ARHGAP39: variants seen among roughly 807,000 people sequenced by gnomAD.
ARHGAP39 encodes the protein Rho GTPase activating protein 39, also known as rho GTPase-activating protein 39.
ARHGAP39 carries 44 observed loss-of-function variants against 106.9 expected under a neutral mutation model. That is an observed-to-expected ratio of 0.41 (90% CI 0.32 to 0.53). ARHGAP39 has a LOEUF of 0.53. Ranked by LOEUF, ARHGAP39 falls within the 20% of genes least tolerant of loss-of-function variation. ARHGAP39 has a pLI of 0.21. For missense variants in ARHGAP39, 1,496 were observed against 1,577.3 expected (o/e 0.95, Z 0.87); for synonymous variants, 768 against 693.2 (o/e 1.11, Z -1.69).
chr8:144,639,401 A>G (rs1453732378), intron 1 of ARHGAP39, among the ~76,000 whole-genome samples: 3 of 152,116 alleles, frequency 2.0e-5, no homozygotes, highest in African/African-American at 4.8e-5. Context: ...TTTCATTTCT[A>G]TCACAAAAAC....
chr8:144,609,143 T>C (rs1586611717), intron 1 of ARHGAP39, among the ~76,000 whole-genome samples: 1 of 152,250 alleles, frequency 6.6e-6, no homozygotes, highest in South Asian at 2.1e-4. Flanking sequence ...AGGGAAAGCA[T>C]CCAGTCTTTT....
intron 2 of ARHGAP39, among the ~76,000 whole-genome samples, chr8:144,599,937 G>A (rs1347197715): frequency 6.6e-6 from 1 of 152,214 alleles, no homozygotes; most frequent in Non-Finnish European, 1.5e-5. Context: ...AGCCAGGGAA[G>A]AAGAGATGTG....
At chr8:144,675,626 C>A (rs1586652231) in intron 1 of ARHGAP39, among the ~76,000 whole-genome samples, 1 of 147,910 alleles carries the variant, frequency 6.8e-6, no homozygotes, top group Admixed American at 6.8e-5. Context: ...CTCTTAAAGG[C>A]AGTGCATCTG....
chr8:144,602,013 G>A (rs532310633), intron 2 of ARHGAP39, among the ~76,000 whole-genome samples: 85 of 145,282 alleles, frequency 5.9e-4, no homozygotes, highest in African/African-American at 2.0e-3. Context: ...GTGTGTGCAT[G>A]GAGGCGTGTG....
chr8:144,679,704 G>A lies in ARHGAP39; in HGVS notation c.-82+5982C>T, dbSNP rs1285748852. 3.3e-5 allele frequency among the ~76,000 whole-genome samples: 5 copies of A among 152,214 alleles called. No individual in the cohort carries two copies. The highest frequency in any genetic ancestry group is 6.5e-5 in the Admixed American group (1 of 15,290). On this transcript the variant is annotated intron_variant, in intron 1 of 11. Coordinates refer to ENST00000377307, the MANE Select transcript of ARHGAP39 (RefSeq NM_025251.3). This position sits in a 1 kb window ranked among gnomAD's most constrained non-coding sequence, Gnocchi z 4.7. ...AGCTAGAAAATTAAAATCTAGGCCG[G>A]GCGCAGTGTCTCACGCCTGTAATCC... is the stretch of plus-strand genomic sequence containing the variant.
chr8:144,575,160 A>C (rs1029406307), intron 3 of ARHGAP39, among the ~76,000 whole-genome samples: 6 of 152,242 alleles, frequency 3.9e-5, no homozygotes, highest in African/African-American at 1.4e-4. Context: ...GGCACTTACC[A>C]GGAACAGAGC....
chr8:144,534,030 G>T (rs1816848616), intron 8 of ARHGAP39, 99 bp downstream of exon 8: 1 of 1,381,620 alleles, frequency 7.2e-7, no homozygotes, highest in Admixed American at 1.8e-5. Flanking sequence ...CCTCTGCGCT[G>T]CTGCCCCATA....
chr8:144,651,683 G>C (rs1239005318), intron 1 of ARHGAP39, among the ~76,000 whole-genome samples: 1 of 152,026 alleles, frequency 6.6e-6, no homozygotes, highest in African/African-American at 2.4e-5. Flanking sequence ...CTCCAGCCTG[G>C]ATGATAGAGA....
chr8:144,532,984 GC>G (rs1816789492), intron 9 of ARHGAP39, 141 bp downstream of exon 9: 8 of 1,035,814 alleles, frequency 7.7e-6, no homozygotes, highest in Non-Finnish European at 1.1e-5. Flanking sequence ...CCACACTGTG[GC>G]CCCACCCTTC....
chr8:144,558,949 C>T (rs1818043087), intron 3 of ARHGAP39, among the ~76,000 whole-genome samples: 2 of 152,026 alleles, frequency 1.3e-5, no homozygotes, highest in East Asian at 1.9e-4. Context: ...GTAGCTTACA[C>T]TGTAATCCCA....
chr8:144,549,319 C>CT (rs975409389), intron 4 of ARHGAP39, among the ~76,000 whole-genome samples: 4 of 152,268 alleles, frequency 2.6e-5, no homozygotes, highest in African/African-American at 9.6e-5. Flanking sequence ...CGAGGGGCCC[C>CT]TCCACCACCT....
chr8:144,549,898 G>C (rs1218610070), intron 4 of ARHGAP39, among the ~76,000 whole-genome samples: 1 of 152,156 alleles, frequency 6.6e-6, no homozygotes, highest in Non-Finnish European at 1.5e-5. Flanking sequence ...TTTCTATTCA[G>C]CTATGTTTAA....
Position 144,601,076 on chromosome 8 carries a change from C to T in ARHGAP39, c.80+4459G>A, listed in dbSNP as rs1819895478. On this transcript the variant is annotated intron_variant, in intron 2 of 11. Coordinates refer to ENST00000377307, the MANE Select transcript of ARHGAP39 (RefSeq NM_025251.3). Reference sequence around the variant, plus strand: ...GAGGCGTGCGTGCGAGCTCGTGTACCTGTGTGCATGTGCGTGGAGGTGTGT... The same window carrying T: ...GAGGCGTGCGTGCGAGCTCGTGTACTTGTGTGCATGTGCGTGGAGGTGTGT... Among the ~76,000 whole-genome samples, 3 of 125,282 alleles carry T rather than the reference C, an allele frequency of 2.4e-5. 1 individual carries two copies. The South Asian group carries it at 8.0e-4, about 34-fold the overall frequency. 82.2% of individuals were successfully genotyped at this position (125,282 alleles called of 152,430 possible).
At chr8:144,618,714 G>C (rs1178757011) in intron 1 of ARHGAP39, among the ~76,000 whole-genome samples, 1 of 152,246 alleles carries the variant, frequency 6.6e-6, no homozygotes, top group Non-Finnish European at 1.5e-5. Context: ...GCAGGAAGCG[G>C]CTCCCTGCAA....
chr8:144,545,290 C>G lies in ARHGAP39; in HGVS notation c.2480G>C (p.Gly827Ala). Residue 827 changes from glycine to alanine, a missense_variant, in exon 6 of 12, where the codon GGC (glycine) becomes GCC (alanine). Around this residue, in one of 4 missense-constraint regions of ARHGAP39, gnomAD observed 470 missense variants for 605.1 expected, o/e 0.78. Transcript: ENST00000377307. ...PTPKFHSYLE[G>A]YIYRHMDPVN... is the part of the protein sequence containing the mutation. Reference sequence around the variant, plus strand: ...GGGGTCCATGTGCCGGTAGATGTAGCCTTCCAGGTAGGAGTGGAACTTGGG... The same window carrying G: ...GGGGTCCATGTGCCGGTAGATGTAGGCTTCCAGGTAGGAGTGGAACTTGGG... 6.4e-7 allele frequency: 1 copy of G among 1,567,552 alleles called. No homozygotes were observed. The highest frequency in any genetic ancestry group is 8.7e-7 in the Non-Finnish European group (1 of 1,151,724).
At chr8:144,609,568 A>AT (rs1346273118) in intron 1 of ARHGAP39, among the ~76,000 whole-genome samples, 1 of 151,648 alleles carries the variant, frequency 6.6e-6, no homozygotes, top group African/African-American at 2.4e-5. Flanking sequence ...TGCCCAGCTA[A>AT]TTTTTTTGTA....
intron 1 of ARHGAP39, among the ~76,000 whole-genome samples, chr8:144,665,484 C>A (rs1821941046): frequency 6.6e-6 from 1 of 151,514 alleles, no homozygotes; most frequent in Non-Finnish European, 1.5e-5. Flanking sequence ...GCAGCCCCTG[C>A]CACCATAGGT....
Position 144,670,801 on chromosome 8 carries a change from CTG to C in ARHGAP39, c.-82+14883_-82+14884del, listed in dbSNP as rs1293381871. On this transcript the variant is annotated intron_variant, in intron 1 of 11. Transcript: ENST00000377307. This position sits in a 1 kb window ranked among gnomAD's most constrained non-coding sequence, Gnocchi z 4.4. ...TCAGACCACACACCGCAGCTGCCAA[CTG>C]TGTGTATCTGTTTCCTGCACTAGAC... Among the ~76,000 whole-genome samples, 1 of 152,206 alleles carries C rather than the reference CTG, an allele frequency of 6.6e-6. No individual in the cohort carries two copies. Among genetic ancestry groups the C allele is most frequent in the Non-Finnish European group, 1.5e-5 (1 of 68,048 alleles).
intron 1 of ARHGAP39, among the ~76,000 whole-genome samples, chr8:144,649,640 C>A (rs1208271637): frequency 6.6e-6 from 1 of 151,664 alleles, no homozygotes; most frequent in Non-Finnish European, 1.5e-5. Flanking sequence ...TGTGGTGGCA[C>A]ACGCCTGTAA....
Sources: allele counts gnomAD v4.1 joint callset (sites outside exome capture counted in the v4.1 genomes callset), GRCh38; gene constraint gnomAD v4.1.1; regional missense constraint gnomAD v4.1.1; non-coding constraint Gnocchi (gnomAD v3.1); transcripts MANE v1.5; gene names NCBI Gene and HGNC (gene_info 2026-07-23, HGNC 2026-07-21).